The following PGR variants were observed in gnomAD, a reference collection of about 807,000 sequenced individuals.
PGR encodes nuclear receptor subfamily 3 group C member 3.
A neutral mutation model predicts 76.1 loss-of-function variants in PGR; 25 were observed. The observed-to-expected ratio is 0.33, with a 90% CI of 0.24 to 0.46. The LOEUF (loss-of-function observed/expected upper bound fraction) is 0.46. PGR is among the 20% of genes least tolerant of loss of function. The pLI is 1.00. For missense variants in PGR, 1,172 were observed against 1,225.3 expected (o/e 0.96, Z 0.65); for synonymous variants, 579 against 535.0 (o/e 1.08, Z -1.14).
Position 101,030,379 on chromosome 11 carries a change from G to A in PGR, c.*8737C>T, listed in dbSNP as rs1005143211. On this transcript the variant is annotated 3_prime_UTR_variant, in exon 8 of 8. Transcript: ENST00000325455. Reference sequence around the variant, plus strand: ...TAGAAAATAAGTATGTGATGATATCGTTAAAATACATGATCACTTAATTTT... The same window carrying A: ...TAGAAAATAAGTATGTGATGATATCATTAAAATACATGATCACTTAATTTT... The A allele has an allele frequency of 4.0e-5, 9 of 227,714 alleles. No homozygotes were observed. Among genetic ancestry groups the A allele is most frequent in the Admixed American group, 1.1e-4 (2 of 17,592 alleles). The allele number at this position is 227,714 out of a possible 1,614,324, so 14.1% of individuals were successfully genotyped here.
chr11:101,087,804 T>A, intron 3 of PGR, among the ~76,000 whole-genome samples: 1 of 151,512 alleles, frequency 6.6e-6, no homozygotes, highest in African/African-American at 2.4e-5. Context: ...AAAGGAGACA[T>A]ACAAGCAGCC....
chr11:101,114,340 A>C (rs1862435777), intron 2 of PGR, among the ~76,000 whole-genome samples: 1 of 152,204 alleles, frequency 6.6e-6, no homozygotes, highest in Admixed American at 6.5e-5. Context: ...ACAAAACGGC[A>C]TTATTTTTGG....
At position 101,058,510 on chromosome 11, in the gene PGR, T is replaced by A. The variant is rs1860372783; in HGVS notation, c.2212+3937A>T. Reference sequence around the variant, plus strand: ...TACTGTTCTAATATTCTGATACTGATAATTGCAAGTAGTCTGGTGAAATGA... The same window carrying A: ...TACTGTTCTAATATTCTGATACTGAAAATTGCAAGTAGTCTGGTGAAATGA... On this transcript the variant is annotated intron_variant, in intron 4 of 7. Transcript: ENST00000325455. 5.3e-5 allele frequency among the ~76,000 whole-genome samples: 8 copies of A among 152,214 alleles called. No homozygotes were observed. In the South Asian group the frequency reaches 1.7e-3, roughly 31 times the overall value.
rs747442806 is a variant in PGR, at chr11:101,061,681, T to C, written c.2212+766A>G. 7.2e-4 allele frequency among the ~76,000 whole-genome samples: 109 copies of C among 152,314 alleles called. 1 individual carries two copies. Among genetic ancestry groups the C allele is most frequent in the Non-Finnish European group, 1.2e-3 (81 of 68,010 alleles). ...TTTTAAAAAGTTCTATTTCTAATTA[T>C]AGGAGTAATGCCTTCACAAACAATT... On this transcript the variant is annotated intron_variant, in intron 4 of 7. Transcript: ENST00000325455.
chr11:101,076,440 G>A (rs920076266), intron 3 of PGR, among the ~76,000 whole-genome samples: 3 of 151,904 alleles, frequency 2.0e-5, no homozygotes, highest in South Asian at 2.1e-4. Context: ...CGTTCTGCAC[G>A]TGTATCCCAG....
Position 101,038,568 on chromosome 11 carries a change from A to G in PGR, c.*548T>C, listed in dbSNP as rs1859588780. On this transcript the variant is annotated 3_prime_UTR_variant, in exon 8 of 8. Transcript: ENST00000325455. ...AGTTTGAAGAACATCAATCTATTTT[A>G]GTGGTTTTAAACTCTTTCTACATTT... 4.3e-6 allele frequency: 1 copy of G among 230,006 alleles called. No homozygotes were observed. Among genetic ancestry groups the G allele is most frequent in the Non-Finnish European group, 8.6e-6 (1 of 116,204 alleles). 14.2% of individuals were successfully genotyped at this position (230,006 alleles called of 1,614,324 possible).
chr11:101,113,555 C>T (rs1165547178), intron 2 of PGR, among the ~76,000 whole-genome samples: 1 of 152,102 alleles, frequency 6.6e-6, no homozygotes, highest in Non-Finnish European at 1.5e-5. Context: ...CAGGCGTGAG[C>T]CATTGCACCC....
At chr11:101,085,394 A>G (rs1442341300) in intron 3 of PGR, among the ~76,000 whole-genome samples, 3 of 151,984 alleles carry the variant, frequency 2.0e-5, no homozygotes, top group Non-Finnish European at 4.4e-5. Context: ...AAATGAAAAC[A>G]GACACAACAT....
chr11:101,091,276 T>C (rs1158389719), intron 3 of PGR, among the ~76,000 whole-genome samples: 2 of 152,228 alleles, frequency 1.3e-5, no homozygotes, highest in African/African-American at 4.8e-5. Flanking sequence ...ATCAAATGGA[T>C]TCCTACCCCA....
rs546437299 is a variant in PGR, at chr11:101,096,446, G to T, written c.1790-4570C>A. Among the ~76,000 whole-genome samples the T allele has an allele frequency of 5.3e-5, 8 of 152,328 alleles. No individual in the cohort carries two copies. The East Asian group carries it at 1.5e-3, about 29-fold the overall frequency. On this transcript the variant is annotated intron_variant, in intron 2 of 7. Coordinates refer to ENST00000325455, the MANE Select transcript of PGR (RefSeq NM_000926.4). ...TTGGCTTAAAGAAATGTTGTAGCCA[G>T]CCAGTTCCAACTAGAGCCGACTAAG...
chr11:101,056,339 T>C (rs1283849459), intron 4 of PGR, among the ~76,000 whole-genome samples: 1 of 151,988 alleles, frequency 6.6e-6, no homozygotes, highest in Non-Finnish European at 1.5e-5. Flanking sequence ...AGAAAGTATA[T>C]AGTGAAGAGA....
At chr11:101,115,574 G>A (rs1373768408) in intron 2 of PGR, among the ~76,000 whole-genome samples, 2 of 152,004 alleles carry the variant, frequency 1.3e-5, no homozygotes, top group East Asian at 3.9e-4. Flanking sequence ...GAGTTCAAGA[G>A]CAACCTGGCC....
At chr11:101,082,424 A>G (rs1275738098) in intron 3 of PGR, among the ~76,000 whole-genome samples, 2 of 152,248 alleles carry the variant, frequency 1.3e-5, no homozygotes, top group African/African-American at 4.8e-5. Context: ...AGGTTGGAAC[A>G]GTTTGCAGGG....
At chr11:101,107,150 G>A (rs573562744) in intron 2 of PGR, among the ~76,000 whole-genome samples, 21 of 152,070 alleles carry the variant, frequency 1.4e-4, no homozygotes, top group Non-Finnish European at 2.6e-4. Flanking sequence ...ACCATGGCAC[G>A]TGTATATCTA....
intron 2 of PGR, among the ~76,000 whole-genome samples, chr11:101,106,252 C>G (rs1862158398): frequency 6.6e-6 from 1 of 152,160 alleles, no homozygotes; most frequent in Non-Finnish European, 1.5e-5. Flanking sequence ...TAAAGAACTT[C>G]TGCACAGCAA....
intron 4 of PGR, among the ~76,000 whole-genome samples, chr11:101,059,754 G>C (rs1250123257): frequency 6.9e-6 from 1 of 144,794 alleles, no homozygotes; most frequent in Non-Finnish European, 1.5e-5. Flanking sequence ...GAGGTGGTAG[G>C]ATAACTTGAG....
Position 101,062,670 on chromosome 11 carries a change from T to C in PGR, c.1989A>G (p.Pro663=). The C allele has an allele frequency of 6.2e-7, 1 of 1,614,004 alleles. No individual in the cohort carries two copies. Among genetic ancestry groups the C allele is most frequent in the Non-Finnish European group, 8.5e-7 (1 of 1,179,904 alleles). The change falls in exon 4 of 8, where the codon CCA becomes CCG. Residue 663 remains proline (P), a synonymous_variant. Transcript: ENST00000325455. The part of the protein sequence containing the change: ...AVALPQPVGV[P]NESQALSQRF... The stretch of plus-strand genomic sequence containing the variant: ...TCTGGCTTAGGGCTTGGCTTTCATT[T>C]GGAACGCCCACTGGCTGTGGGAGAG...
chr11:101,084,376 GTCCAGGCACAGTGGC>G (rs1861420477), intron 3 of PGR, among the ~76,000 whole-genome samples: 1 of 152,022 alleles, frequency 6.6e-6, no homozygotes, highest in Non-Finnish European at 1.5e-5. Context: ...CACAGAGTGG[GTCCAGGCACAGTGGC>G]TCACACCTGT....
intron 6 of PGR, among the ~76,000 whole-genome samples, chr11:101,045,638 T>C (rs967189248): frequency 6.6e-6 from 1 of 151,872 alleles, no homozygotes; most frequent in African/African-American, 2.4e-5. Context: ...ACTTTCATTC[T>C]TTTTGATTGC....
Sources: allele counts gnomAD v4.1 joint callset (sites outside exome capture counted in the v4.1 genomes callset), GRCh38; gene constraint gnomAD v4.1.1; transcripts MANE v1.5; gene names NCBI Gene and HGNC (gene_info 2026-07-23, HGNC 2026-07-21).